The following CIROZ variants were observed in gnomAD, a reference collection of about 807,000 sequenced individuals.
CIROZ encodes the protein ciliated left-right organizer ZP-N domains-containing protein.
the CIROZ span, among the ~76,000 whole-genome samples, chr1:10,955,645 C>T: frequency 0.062 from 9,371 of 152,036 alleles, 384 homozygotes; most frequent in East Asian, 0.21. Flanking sequence ...GATTTCAAGA[C>T]CAGCCTGGCC....
the CIROZ span, among the ~76,000 whole-genome samples, chr1:10,951,741 A>AT: frequency 3.4e-4 from 45 of 130,536 alleles, no homozygotes; most frequent in East Asian, 1.2e-3. Context: ...AAAAAAAAAA[A>AT]AAAAATATAT....
At chr1:10,976,278 G>A in the CIROZ span, 3 of 1,491,800 alleles carry the variant, frequency 2.0e-6, no homozygotes, top group Non-Finnish European at 2.7e-6. Context: ...GAGGGAAGGG[G>A]GTGGGGACAT....
the CIROZ span, among the ~76,000 whole-genome samples, chr1:10,979,484 C>T: frequency 6.6e-6 from 1 of 152,112 alleles, no homozygotes; most frequent in East Asian, 1.9e-4. Context: ...ATTGAGAAAG[C>T]TCCTGCCTCC....
the CIROZ span, among the ~76,000 whole-genome samples, chr1:10,962,846 G>A: frequency 6.6e-5 from 10 of 152,360 alleles, no homozygotes; most frequent in East Asian, 3.9e-4. Context: ...TGGGCCAGGC[G>A]TAGTGGCCCA....
chr1:10,955,846 A>G, the CIROZ span, among the ~76,000 whole-genome samples: 19 of 92,720 alleles, frequency 2.0e-4, no homozygotes, highest in African/African-American at 2.2e-3. Flanking sequence ...CTCCATCTCA[A>G]AAAAAAAAAA....
the CIROZ span, among the ~76,000 whole-genome samples, chr1:10,973,819 G>C: frequency 6.6e-6 from 1 of 152,254 alleles, no homozygotes; most frequent in East Asian, 1.9e-4. Flanking sequence ...TGCAGCTGTG[G>C]ATCGGAGCCT....
At chr1:10,966,295 G>A in the CIROZ span, 2 of 1,451,734 alleles carry the variant, frequency 1.4e-6, no homozygotes, top group African/African-American at 2.9e-5. Context: ...TGATATCTGA[G>A]CTCAGGCTTA....
chr1:10,951,745 A>AAAAATATATAT, the CIROZ span, among the ~76,000 whole-genome samples: 1 of 119,206 alleles, frequency 8.4e-6, no homozygotes, highest in African/African-American at 3.6e-5. Context: ...AAAAAAAAAA[A>AAAAATATATAT]ATATATATAT....
At chr1:10,948,715 C>T in the CIROZ span, 17 of 1,568,256 alleles carry the variant, frequency 1.1e-5, no homozygotes, top group South Asian at 1.9e-4. Flanking sequence ...GTGGGGTGTC[C>T]AGGGATCCCT....
the CIROZ span, among the ~76,000 whole-genome samples, chr1:10,972,420 TACACACACACACACAC>T: frequency 4.2e-4 from 55 of 131,804 alleles, no homozygotes; most frequent in African/African-American, 7.9e-4. Flanking sequence ...GTCTCTGAAA[TACACACACACACACAC>T]ACACACACAC....
the CIROZ span, among the ~76,000 whole-genome samples, chr1:10,965,654 G>C: frequency 6.6e-6 from 1 of 151,864 alleles, no homozygotes; most frequent in African/African-American, 2.4e-5. Context: ...GAGGTCAGAA[G>C]CTCAAGACCA....
the CIROZ span, chr1:10,958,580 G>A: frequency 4.2e-5 from 45 of 1,063,082 alleles, no homozygotes; most frequent in Admixed American, 7.7e-4. Flanking sequence ...GGTCCTTGAA[G>A]AGTCTGTACC....
chr1:10,979,512 G>A, the CIROZ span, among the ~76,000 whole-genome samples: 1 of 152,070 alleles, frequency 6.6e-6, no homozygotes, highest in Non-Finnish European at 1.5e-5. Context: ...AGTGAGGTTG[G>A]TTCAACCACT....
chr1:10,966,274 G>C, the CIROZ span: 346 of 1,398,324 alleles, frequency 2.5e-4, 1 homozygote, highest in African/African-American at 4.5e-3. Flanking sequence ...ATGGTGCAGT[G>C]TCTCCTTACT....
chr1:10,956,671 G>T, the CIROZ span, among the ~76,000 whole-genome samples: 8 of 151,758 alleles, frequency 5.3e-5, no homozygotes, highest in African/African-American at 9.7e-5. Flanking sequence ...TAGAGACAGG[G>T]TTTCACCGTG....
chr1:10,976,822 T>G, the CIROZ span, among the ~76,000 whole-genome samples: 1 of 151,776 alleles, frequency 6.6e-6, no homozygotes, highest in Non-Finnish European at 1.5e-5. Context: ...GGACCTCTGA[T>G]GGGGAGGTCA....
the CIROZ span, chr1:10,970,198 G>T: frequency 1.8e-6 from 2 of 1,095,142 alleles, no homozygotes; most frequent in Non-Finnish European, 2.6e-6. Flanking sequence ...GCTCCTCTCA[G>T]CCTGGCTTCA....
chr1:10,980,572 C>A, the CIROZ span, among the ~76,000 whole-genome samples: 1 of 152,218 alleles, frequency 6.6e-6, no homozygotes, highest in Non-Finnish European at 1.5e-5. Flanking sequence ...GAAGAATAAT[C>A]TTGGGGAAAA....
At chr1:10,967,853 A>G in the CIROZ span, among the ~76,000 whole-genome samples, 1 of 152,212 alleles carries the variant, frequency 6.6e-6, no homozygotes. Context: ...AGGCACCTGT[A>G]GTCTCAGCTA....
Sources: gnomAD v4.1 joint callset for allele counts (sites outside exome capture counted in the v4.1 genomes callset) on GRCh38, gnomAD v4.1.1 for gene constraint, MANE v1.5 for transcripts, NCBI Gene and HGNC (gene_info 2026-07-23, HGNC 2026-07-21) for gene names.